The following SCGB2B2 variants were observed in gnomAD, a reference collection of about 807,000 sequenced individuals.
SCGB2B2 encodes secretoglobin-like protein.
A neutral mutation model predicts 7.6 loss-of-function variants in SCGB2B2; 11 were observed. The observed-to-expected ratio is 1.45, with a 90% CI of 0.91 to 2.40. SCGB2B2 has a LOEUF of 2.40. Ranked by LOEUF, SCGB2B2 falls within the 30% of genes most tolerant of loss-of-function variation. SCGB2B2 has a pLI of 0.00. For missense variants in SCGB2B2, 104 were observed against 115.4 expected, an observed-to-expected ratio of 0.90 and a Z score of 0.45; for synonymous variants, 50 against 48.6, an observed-to-expected ratio of 1.03 and a Z score of -0.12.
In SCGB2B2 at chr19:34,607,676, ATTGCC is replaced by A. The variant is rs531877767; in HGVS notation, c.-2031-11087_-2031-11083del. 2.6e-5 allele frequency among the ~76,000 whole-genome samples: 4 copies of A among 152,324 alleles called. No individual in the cohort carries two copies. The South Asian group carries it at 8.3e-4, about 32-fold the overall frequency. ...TGTAAGGTGGTATGTTGTGGTTTTG[ATTGCC>A]ATTTCCCTGATGATTCGTGATGGTG... On this transcript the variant is annotated intron_variant, in intron 1 of 3. Transcript: ENST00000601241.
chr19:34,599,348 C>A (rs1281182431), intron 1 of SCGB2B2, among the ~76,000 whole-genome samples: 1 of 152,228 alleles, frequency 6.6e-6, no homozygotes, highest in Non-Finnish European at 1.5e-5. Flanking sequence ...GTATTAGTCT[C>A]TTTTCATGCT....
At chr19:34,598,789 C>T (rs1467887488) in intron 1 of SCGB2B2, among the ~76,000 whole-genome samples, 3 of 152,210 alleles carry the variant, frequency 2.0e-5, no homozygotes, top group Non-Finnish European at 4.4e-5. Flanking sequence ...TGAAGTGTGA[C>T]TCTAATCCCC....
At chr19:34,659,445 G>A (rs1036342011) in intron 1 of SCGB2B2, among the ~76,000 whole-genome samples, 6 of 152,158 alleles carry the variant, frequency 3.9e-5, no homozygotes, top group Admixed American at 1.3e-4. Context: ...CAAAGTCTCA[G>A]GATACAAAAT....
rs544085370 is a variant in SCGB2B2 at position 34,635,945 on chromosome 19, C to T, written c.-2031-39351G>A. ...CCAGAATTGTCTCCCACATGCCCCCCGTGTGTGCAGTTTGTGCCCGGGGTG... is the reference window on the plus strand; with the variant it reads ...CCAGAATTGTCTCCCACATGCCCCCTGTGTGTGCAGTTTGTGCCCGGGGTG... On this transcript the variant is annotated intron_variant, in intron 1 of 3. Transcript: ENST00000601241. Among the ~76,000 whole-genome samples, 174 of 152,332 alleles carry T rather than the reference C, an allele frequency of 1.1e-3. 1 individual carries two copies. Among genetic ancestry groups the T allele is most frequent in the Middle Eastern group, 3.4e-3 (1 of 294 alleles).
At chr19:34,605,431 A>G (rs756825443) in intron 1 of SCGB2B2, among the ~76,000 whole-genome samples, 2 of 152,134 alleles carry the variant, frequency 1.3e-5, no homozygotes, top group Non-Finnish European at 2.9e-5. Flanking sequence ...CTTAATCCTG[A>G]GTGGCCACCA....
intron 1 of SCGB2B2, among the ~76,000 whole-genome samples, chr19:34,667,585 A>T (rs2067669949): frequency 1.3e-5 from 2 of 152,208 alleles, no homozygotes; most frequent in South Asian, 4.1e-4. Flanking sequence ...AGACCCCAGG[A>T]AATTCTAAAT....
chr19:34,642,822 C>T (rs2066885010), intron 1 of SCGB2B2, among the ~76,000 whole-genome samples: 2 of 147,646 alleles, frequency 1.4e-5, no homozygotes, highest in South Asian at 4.3e-4. Context: ...CTCAGAATCA[C>T]AAATTATCAG....
intron 1 of SCGB2B2, among the ~76,000 whole-genome samples, chr19:34,651,768 GA>G (rs1053456768): frequency 6.6e-6 from 1 of 151,154 alleles, no homozygotes; most frequent in Admixed American, 6.6e-5. Context: ...CACAGAAATA[GA>G]AAAAATAATC....
intron 1 of SCGB2B2, among the ~76,000 whole-genome samples, chr19:34,658,016 A>T (rs1403621933): frequency 6.6e-6 from 1 of 152,216 alleles, no homozygotes; most frequent in East Asian, 1.9e-4. Context: ...TAACAAAATT[A>T]AGGCAAAAAT....
chr19:34,610,077 A>G (rs1427356771), intron 1 of SCGB2B2, among the ~76,000 whole-genome samples: 2 of 151,862 alleles, frequency 1.3e-5, no homozygotes, highest in African/African-American at 2.4e-5. Flanking sequence ...GCTATTTTAC[A>G]TGTGATTGAC....
intron 1 of SCGB2B2, among the ~76,000 whole-genome samples, chr19:34,670,558 A>C (rs895685294): frequency 3.9e-5 from 6 of 152,340 alleles, no homozygotes; most frequent in African/African-American, 1.4e-4. Flanking sequence ...TGTCTATTCA[A>C]ATCTTTTGCC....
chr19:34,595,058 G>GT lies in SCGB2B2; in HGVS notation c.-496dup, dbSNP rs1304810250. 6.0e-6 allele frequency: 1 copy of GT among 166,334 alleles called. No individual in the cohort carries two copies. The highest frequency in any genetic ancestry group is 1.3e-5 in the Non-Finnish European group (1 of 76,350). The allele number at this position is 166,334 out of a possible 1,614,324, so 10.3% of individuals were successfully genotyped here. On this transcript the variant is annotated 5_prime_UTR_variant, in exon 2 of 4. An upstream open reading frame in the 5' UTR gains an earlier in-frame stop. Coordinates refer to ENST00000601241, the MANE Select transcript of SCGB2B2 (RefSeq NM_001025591.4). ...GCAGCTTTTGAGAAATCAGTAAACT[G>GT]TAATTTAGATTCAAAGAACATTATC...
intron 1 of SCGB2B2, among the ~76,000 whole-genome samples, chr19:34,644,673 C>T (rs760390125): frequency 9.2e-5 from 14 of 152,102 alleles, no homozygotes; most frequent in Non-Finnish European, 1.5e-4. Flanking sequence ...TATTTCACTT[C>T]GTTTTATTTC....
chr19:34,664,030 C>T (rs113832326), intron 1 of SCGB2B2, among the ~76,000 whole-genome samples: 1,969 of 150,396 alleles, frequency 0.013, 20 homozygotes, highest in Admixed American at 0.021. Context: ...CCACTCAGCA[C>T]GCTGTTGACC....
intron 1 of SCGB2B2, among the ~76,000 whole-genome samples, chr19:34,600,392 A>G (rs941930609): frequency 6.6e-6 from 1 of 152,146 alleles, no homozygotes; most frequent in African/African-American, 2.4e-5. Context: ...TTATATTCAC[A>G]TTTGTTGGGG....
chr19:34,598,812 CCA>C (rs1346777054), intron 1 of SCGB2B2, among the ~76,000 whole-genome samples: 15 of 152,236 alleles, frequency 9.9e-5, no homozygotes, highest in Non-Finnish European at 7.3e-5. Flanking sequence ...CTTCTGATCC[CCA>C]GTTGTTTGGG....
At chr19:34,621,554 G>GAA (rs34423335) in intron 1 of SCGB2B2, among the ~76,000 whole-genome samples, 39 of 143,070 alleles carry the variant, frequency 2.7e-4, no homozygotes, top group South Asian at 1.3e-3. Context: ...AGTCAACTGA[G>GAA]AAAAAAAAAA....
In SCGB2B2 at chr19:34,595,551, C is replaced by A. The variant is rs541528523; in HGVS notation, c.-988G>T. ...AGTGTTTCAAAGAAGTGTCTTTCTC[C>A]CTGAGCACAGTGTTTACAGAGAAGA... On this transcript the variant is annotated 5_prime_UTR_variant, in exon 2 of 4. Coordinates refer to ENST00000601241, the MANE Select transcript of SCGB2B2 (RefSeq NM_001025591.4). The A allele has an allele frequency of 3.9e-5, 6 of 152,580 alleles. No homozygotes were observed. The highest frequency in any genetic ancestry group is 1.4e-4 in the African/African-American group (6 of 41,568). 9.5% of individuals were successfully genotyped at this position (152,580 alleles called of 1,614,324 possible).
chr19:34,644,362 GTT>G (rs75799133), intron 1 of SCGB2B2, among the ~76,000 whole-genome samples: 2 of 134,354 alleles, frequency 1.5e-5, no homozygotes, highest in African/African-American at 5.7e-5. Context: ...TTTTTTTTTT[GTT>G]TTTTTTTTTT....
Sources: gnomAD v4.1 joint callset for allele counts (sites outside exome capture counted in the v4.1 genomes callset) on GRCh38, gnomAD v4.1.1 for gene constraint, MANE v1.5 for transcripts, NCBI Gene and HGNC (gene_info 2026-07-23, HGNC 2026-07-21) for gene names.